Variants in NCOA2 observed in about 807,000 individuals in gnomAD.
NCOA2 encodes nuclear receptor coactivator 2, also known as class E basic helix-loop-helix protein 75.
Under a neutral mutation model 145.1 loss-of-function variants are expected in NCOA2, and 21 were observed. The ratio of observed to expected loss-of-function variants is 0.14; its 90% confidence interval spans 0.10 to 0.21. NCOA2 has a LOEUF of 0.21. Among genes scored for constraint, NCOA2 ranks in the 10% least tolerant of loss-of-function variants. The pLI is 1.00. For synonymous variants in NCOA2, 619 were observed against 637.5 expected, an observed-to-expected ratio of 0.97 and a Z score of 0.44; for missense variants, 1,472 against 1,837.6, an observed-to-expected ratio of 0.80 and a Z score of 3.64.
chr8:70,432,430 G>A, the NCOA2 span, among the ~76,000 whole-genome samples: 1 of 152,192 alleles, frequency 6.6e-6, no homozygotes, highest in South Asian at 2.1e-4. Flanking sequence ...GGGAGGCCAA[G>A]GTGAGAGGAT....
chr8:70,121,405 G>A lies in NCOA2; in HGVS notation c.4294-14C>T. Reference sequence around the variant, plus strand: ...AGGATCATTAACCTAAGGACAAGAAGACAGGACAGTGGCTACGCAGAGCAG... The same window carrying A: ...AGGATCATTAACCTAAGGACAAGAAAACAGGACAGTGGCTACGCAGAGCAG... On this transcript the variant is annotated splice_polypyrimidine_tract_variant and intron_variant, in intron 21 of 22. Coordinates refer to ENST00000452400, the MANE Select transcript of NCOA2 (RefSeq NM_006540.4). The A allele has an allele frequency of 6.2e-7, 1 of 1,600,896 alleles. No individual in the cohort carries two copies. The highest frequency in any genetic ancestry group is 2.2e-5 in the East Asian group (1 of 44,740).
the NCOA2 span, among the ~76,000 whole-genome samples, chr8:70,423,637 T>C: frequency 4.6e-5 from 7 of 152,176 alleles, no homozygotes; most frequent in African/African-American, 7.2e-5. Context: ...GAAGAGAACA[T>C]GACCGAAGGC....
chr8:70,303,719 A>G (rs1355048938), intron 1 of NCOA2, among the ~76,000 whole-genome samples: 3 of 152,218 alleles, frequency 2.0e-5, no homozygotes, highest in Non-Finnish European at 4.4e-5. Context: ...TTTTTAAACA[A>G]CTGCAGAAGT....
At position 70,403,760 on chromosome 8, in the gene NCOA2, A is replaced by G. The variant is rs989945488; in HGVS notation, c.-137T>C. The G allele has an allele frequency of 4.3e-5, 17 of 397,314 alleles. No homozygotes were observed. In the Admixed American group the frequency reaches 7.1e-4, roughly 16 times the overall value. The allele number at this position is 397,314 out of a possible 1,614,324, so 24.6% of individuals were successfully genotyped here. A position where few individuals can be genotyped will look rare whatever the true frequency, so the allele number is the denominator to read the frequency against. ...CCGTCGGCGCTGACCTTCGCCGCCG[A>G]AGCTGTAGCCGAGGCTGCGGCCGCC... On this transcript the variant is annotated 5_prime_UTR_variant, in exon 1 of 23. Coordinates refer to ENST00000452400, the MANE Select transcript of NCOA2 (RefSeq NM_006540.4).
intron 1 of NCOA2, among the ~76,000 whole-genome samples, chr8:70,388,045 A>C (rs1812832051): frequency 6.6e-6 from 1 of 152,218 alleles, no homozygotes; most frequent in South Asian, 2.1e-4. Context: ...AAGCTGTGTC[A>C]ATCATACCTT....
chr8:70,227,514 C>A (rs183811136), intron 2 of NCOA2, among the ~76,000 whole-genome samples: 7 of 152,200 alleles, frequency 4.6e-5, no homozygotes, highest in Middle Eastern at 3.4e-3. Flanking sequence ...TAAAAAATAA[C>A]AAGAAGGAAA....
At chr8:70,444,064 A>G in the NCOA2 span, among the ~76,000 whole-genome samples, 1 of 152,242 alleles carries the variant, frequency 6.6e-6, no homozygotes, top group African/African-American at 2.4e-5. Context: ...AAACATGTAA[A>G]CAAATGTTTA....
At chr8:70,448,221 C>T in the NCOA2 span, among the ~76,000 whole-genome samples, 1 of 151,834 alleles carries the variant, frequency 6.6e-6, no homozygotes, top group Non-Finnish European at 1.5e-5. Context: ...TTTATGAAAG[C>T]AAAAAGAAAG....
At chr8:70,114,139 G>T (rs897737066) in intron 22 of NCOA2, among the ~76,000 whole-genome samples, 1 of 152,098 alleles carries the variant, frequency 6.6e-6, no homozygotes, top group Admixed American at 6.6e-5. Context: ...GGTTCTCTGG[G>T]TGTGTTCTCC....
At chr8:70,403,980 C>T (rs1814634891), upstream of NCOA2, among the ~76,000 whole-genome samples, 1 of 152,134 alleles carries the variant, frequency 6.6e-6, no homozygotes, top group Non-Finnish European at 1.5e-5. Flanking sequence ...CGGCAGTGGC[C>T]GCCGCCAAGT....
chr8:70,456,442 G>A, the NCOA2 span, among the ~76,000 whole-genome samples: 1 of 152,156 alleles, frequency 6.6e-6, no homozygotes, highest in Admixed American at 6.5e-5. Flanking sequence ...AGCACCTGGT[G>A]TTCTGGGCTT....
chr8:70,436,974 C>G, the NCOA2 span, among the ~76,000 whole-genome samples: 7 of 152,172 alleles, frequency 4.6e-5, no homozygotes, highest in African/African-American at 1.7e-4. Context: ...GGAAAAATAT[C>G]TTGGGATATG....
intron 11 of NCOA2, among the ~76,000 whole-genome samples, chr8:70,154,199 A>C (rs1812051953): frequency 6.6e-6 from 1 of 152,166 alleles, no homozygotes; most frequent in Non-Finnish European, 1.5e-5. Flanking sequence ...CGCAAAACAA[A>C]TTTCAAGGAC....
chr8:70,444,841 C>T, the NCOA2 span, among the ~76,000 whole-genome samples: 1 of 152,166 alleles, frequency 6.6e-6, no homozygotes, highest in South Asian at 2.1e-4. Flanking sequence ...GGCACCCCAG[C>T]ATTAGGTTTT....
intron 1 of NCOA2, among the ~76,000 whole-genome samples, chr8:70,383,901 G>A (rs1812441643): frequency 6.6e-6 from 1 of 152,138 alleles, no homozygotes; most frequent in Admixed American, 6.5e-5. Flanking sequence ...CTTATAAATA[G>A]TCTTCTCTGG....
At chr8:70,283,224 G>C (rs1372155037) in intron 2 of NCOA2, among the ~76,000 whole-genome samples, 1 of 152,216 alleles carries the variant, frequency 6.6e-6, no homozygotes, top group Non-Finnish European at 1.5e-5. Flanking sequence ...AACTAATGGG[G>C]AATTTAAACT....
chr8:70,219,363 G>A (rs1367376562), intron 2 of NCOA2, among the ~76,000 whole-genome samples: 1 of 152,124 alleles, frequency 6.6e-6, no homozygotes, highest in African/African-American at 2.4e-5. Flanking sequence ...GCAACTTTCG[G>A]CTTGATGAAC....
intron 2 of NCOA2, among the ~76,000 whole-genome samples, chr8:70,235,932 G>A (rs1563662037): frequency 6.6e-6 from 1 of 152,074 alleles, no homozygotes; most frequent in Non-Finnish European, 1.5e-5. Context: ...TATCTTTGGT[G>A]GTATCAGTTA....
intron 2 of NCOA2, among the ~76,000 whole-genome samples, chr8:70,268,349 T>C (rs947666844): frequency 1.3e-5 from 2 of 152,328 alleles, no homozygotes; most frequent in East Asian, 1.9e-4. Context: ...GCTTACATTA[T>C]AGGGCTCCTC....
Sources: gnomAD v4.1 joint callset for allele counts (sites outside exome capture counted in the v4.1 genomes callset) on GRCh38, gnomAD v4.1.1 for gene constraint, MANE v1.5 for transcripts, NCBI Gene and HGNC (gene_info 2026-07-23, HGNC 2026-07-21) for gene names.